Variants in RCC1 observed in about 807,000 individuals in gnomAD.
RCC1 encodes the protein regulator of chromosome condensation.
A neutral mutation model predicts 44.4 loss-of-function variants in RCC1; 11 were observed. The ratio of observed to expected loss-of-function variants is 0.25; its 90% CI spans 0.16 to 0.41. RCC1 has a LOEUF of 0.41. Ranked by LOEUF, RCC1 falls within the 10% of genes least tolerant of loss-of-function variation. The pLI, the probability that RCC1 is intolerant of heterozygous loss-of-function variation, is 1.00. For synonymous variants in RCC1, 213 were observed against 216.5 expected, an observed-to-expected ratio of 0.98 and a Z score of 0.14; for missense variants, 386 against 547.1, an observed-to-expected ratio of 0.71 and a Z score of 2.94.
intron 4 of RCC1, among the ~76,000 whole-genome samples, chr1:28,522,383 G>T (rs750067778): frequency 6.6e-6 from 1 of 152,076 alleles, no homozygotes; most frequent in Non-Finnish European, 1.5e-5. Context: ...GAAGCTAAAG[G>T]TTCTGTCAGT....
intron 4 of RCC1, among the ~76,000 whole-genome samples, chr1:28,529,494 C>T (rs1472276811): frequency 2.0e-5 from 3 of 151,918 alleles, no homozygotes; most frequent in African/African-American, 4.8e-5. Flanking sequence ...GTCTGTTTTT[C>T]ATTCTGCTTG....
At chr1:28,522,580 G>GGA (rs1271910154) in intron 4 of RCC1, among the ~76,000 whole-genome samples, 1 of 151,950 alleles carries the variant, frequency 6.6e-6, no homozygotes, top group Non-Finnish European at 1.5e-5. Flanking sequence ...GGTCGAGGTG[G>GGA]GAGGATCACT....
Position 28,538,287 on chromosome 1 carries a change from T to C in RCC1, c.*280T>C, listed in dbSNP as rs1186896943. 2 of 236,598 alleles carry C rather than the reference T, an allele frequency of 8.5e-6. No individual in the cohort carries two copies. The highest frequency in any genetic ancestry group is 1.6e-5 in the Non-Finnish European group (2 of 122,768). The allele number at this position is 236,598 out of a possible 1,614,324, so 14.7% of individuals were successfully genotyped here. ...GGTTAGACGTTTCTCCCCTTTTCCC[T>C]ACCTTCCATGGTCCTGGTTGGCCCT... On this transcript the variant is annotated 3_prime_UTR_variant, in exon 13 of 13. Transcript: ENST00000683442.
At chr1:28,512,323 A>T (rs1662612434) in intron 3 of RCC1, among the ~76,000 whole-genome samples, 2 of 151,988 alleles carry the variant, frequency 1.3e-5, no homozygotes, top group Admixed American at 6.6e-5. Context: ...GCAGGCTGGC[A>T]CCTTGATCAT....
chr1:28,529,275 G>A (rs1327770702), intron 4 of RCC1, among the ~76,000 whole-genome samples: 2 of 133,326 alleles, frequency 1.5e-5, no homozygotes, highest in South Asian at 2.4e-4. Context: ...CCTCCACCTC[G>A]CGGGTTCAAG....
At chr1:28,526,266 CAG>C (rs1663656245) in intron 4 of RCC1, 1 of 211,008 alleles carries the variant, frequency 4.7e-6, no homozygotes, top group East Asian at 1.1e-4. Flanking sequence ...GCCTGGGCAA[CAG>C]AGAGTGAGAT....
At chr1:28,523,165 A>G (rs925890893) in intron 4 of RCC1, among the ~76,000 whole-genome samples, 13 of 149,488 alleles carry the variant, frequency 8.7e-5, no homozygotes, top group Middle Eastern at 3.5e-3. Flanking sequence ...CCGAGTAGCT[A>G]GGACTACAAG....
At chr1:28,507,700 T>A (rs549835584) in intron 1 of RCC1, 5 of 365,168 alleles carry the variant, frequency 1.4e-5, no homozygotes, top group African/African-American at 2.2e-5. Context: ...TTCAAGTGAT[T>A]ATGCTAAGTG....
At chr1:28,533,040 C>G (rs1251465194) in intron 7 of RCC1, among the ~76,000 whole-genome samples, 4 of 152,056 alleles carry the variant, frequency 2.6e-5, no homozygotes, top group Non-Finnish European at 4.4e-5. Context: ...TCTCGAACTC[C>G]CGACCCCAGG....
chr1:28,517,138 C>G (rs1349146032), intron 4 of RCC1, among the ~76,000 whole-genome samples: 2 of 151,770 alleles, frequency 1.3e-5, no homozygotes, highest in Admixed American at 1.3e-4. Flanking sequence ...AAAAAAAGTT[C>G]AGTTCAGTTG....
rs376686877 is a variant in RCC1, at chr1:28,536,232, C to T, written c.818-30C>T. The T allele has an allele frequency of 4.3e-6, 7 of 1,610,150 alleles. No individual in the cohort carries two copies. Among genetic ancestry groups the T allele is most frequent in the Non-Finnish European group, 5.9e-6 (7 of 1,178,030 alleles). On this transcript the variant is annotated intron_variant, in intron 10 of 12. Transcript: ENST00000683442. The surrounding 1 kb of genome is among the most constrained non-coding windows in gnomAD (Gnocchi z 4.9). ...AGAAGGGCAGCTCTCAGAACACCTT[C>T]ACCCCTGATGGCTCCGGCCTTTCCC...
intron 4 of RCC1, among the ~76,000 whole-genome samples, chr1:28,517,153 G>A (rs1447269381): frequency 6.6e-6 from 1 of 151,876 alleles, no homozygotes; most frequent in Non-Finnish European, 1.5e-5. Context: ...CAGTTGGTAA[G>A]AACTCATCAA....
chr1:28,507,343 A>C (rs1403640893), intron 1 of RCC1: 2 of 517,334 alleles, frequency 3.9e-6, no homozygotes, highest in Admixed American at 3.9e-5. Context: ...GGATTCTGTA[A>C]ATTTATGCGT....
chr1:28,508,169 A>G lies in RCC1; in HGVS notation c.-229+9A>G, dbSNP rs1216054304. The G allele has an allele frequency of 2.3e-6, 1 of 443,544 alleles. No homozygotes were observed. The highest frequency in any genetic ancestry group is 4.6e-6 in the Non-Finnish European group (1 of 217,650). 27.5% of individuals were successfully genotyped at this position (443,544 alleles called of 1,614,324 possible). On this transcript the variant is annotated intron_variant, in intron 2 of 12. Transcript: ENST00000683442. ...CAAGTAACTCTTATTTGGTGAGTAA[A>G]TCTGCTAATTGTTTTTTGCTTATCA... is the stretch of plus-strand genomic sequence containing the variant.
chr1:28,529,836 G>A, intron 4 of RCC1, 22 bp from the exon 5 acceptor site: 4 of 1,593,722 alleles, frequency 2.5e-6, no homozygotes, highest in South Asian at 2.2e-5. Flanking sequence ...TTTCTCATAT[G>A]TAGTATTTGA....
At position 28,535,223 on chromosome 1, in the gene RCC1, G is replaced by C. The variant is rs371074587; in HGVS notation, c.539-35G>C. The C allele has an allele frequency of 3.0e-5, 48 of 1,614,088 alleles. No homozygotes were observed. In the Admixed American group the frequency reaches 3.5e-4, roughly 12 times the overall value. On this transcript the variant is annotated intron_variant, in intron 8 of 12. Transcript: ENST00000683442. ...GGCTGGCCTAGCCTTGGGCCTTACA[G>C]TTGTGGCCTGCATCCCTTACCTTTT...
chr1:28,513,950 A>AT (rs1184718551), intron 3 of RCC1, among the ~76,000 whole-genome samples: 7 of 152,164 alleles, frequency 4.6e-5, no homozygotes, highest in African/African-American at 1.7e-4. Flanking sequence ...CACTTGTAGT[A>AT]TAAGAATCTT....
At chr1:28,516,212 A>G (rs1430807024) in intron 3 of RCC1, among the ~76,000 whole-genome samples, 1 of 150,184 alleles carries the variant, frequency 6.7e-6, no homozygotes, top group East Asian at 2.0e-4. Context: ...CCCCATCTCT[A>G]CTAAAAGTAC....
intron 7 of RCC1, among the ~76,000 whole-genome samples, chr1:28,533,519 A>G (rs1664315290): frequency 6.6e-6 from 1 of 151,202 alleles, no homozygotes; most frequent in South Asian, 2.1e-4. Context: ...TTGTAATCCC[A>G]GCACTTTGGG....
Sources: gnomAD v4.1 joint callset for allele counts (sites outside exome capture counted in the v4.1 genomes callset) on GRCh38, gnomAD v4.1.1 for gene constraint, Gnocchi (gnomAD v3.1) non-coding constraint, MANE v1.5 for transcripts, NCBI Gene and HGNC (gene_info 2026-07-23, HGNC 2026-07-21) for gene names.